CLPX: variants seen among roughly 807,000 people sequenced by gnomAD.
CLPX encodes the protein caseinolytic mitochondrial matrix peptidase chaperone subunit X.
Under a neutral mutation model 76.4 loss-of-function variants are expected in CLPX, and 34 were observed. That is an observed-to-expected ratio of 0.45 (90% confidence interval 0.34 to 0.59). The LOEUF (loss-of-function observed/expected upper bound fraction) is 0.59. Among genes scored for constraint, CLPX ranks in the 20% least tolerant of loss-of-function variants. The pLI is 0.01. For missense variants in CLPX, 613 were observed against 757.0 expected, an observed-to-expected ratio of 0.81 and a Z score of 2.23; for synonymous variants, 248 against 270.9, an observed-to-expected ratio of 0.92 and a Z score of 0.83.
chr15:65,163,293 A>G (rs1014601158), intron 5 of CLPX, among the ~76,000 whole-genome samples: 5 of 152,184 alleles, frequency 3.3e-5, no homozygotes, highest in African/African-American at 9.7e-5. Context: ...TCACATACCT[A>G]TTTTGCAGTT....
intron 9 of CLPX, among the ~76,000 whole-genome samples, chr15:65,156,246 C>T (rs1368426140): frequency 6.6e-6 from 1 of 152,142 alleles, no homozygotes; most frequent in Non-Finnish European, 1.5e-5. Context: ...TTCTATTCCA[C>T]TTACAGTATT....
Position 65,153,558 on chromosome 15 carries a change from G to C in CLPX, c.1693C>G (p.Arg565Gly). The C allele has an allele frequency of 6.3e-7, 1 of 1,589,990 alleles. No individual in the cohort carries two copies. Among genetic ancestry groups the C allele is most frequent in the Non-Finnish European group, 8.6e-7 (1 of 1,166,148 alleles). ...LERKTGARGL[R>G]SIMEKLLLEP... is the part of the protein sequence containing the mutation. ...TAATGCCAACTCACCATTATGGACC[G>C]AAGGCCTCGTGCACCTGTTTTTCGT... The change falls in exon 12 of 14, where the codon CGG becomes GGG. Residue 565 changes from arginine (R) to glycine (G), a missense_variant. Arg to Gly is a moderately radical substitution (Grantham distance 125). This residue lies in a region of CLPX where 450 missense variants were observed against 638.6 expected (regional missense o/e 0.70). Transcript: ENST00000300107.
intron 2 of CLPX, among the ~76,000 whole-genome samples, chr15:65,179,553 A>G (rs1001639323): frequency 6.6e-6 from 1 of 152,242 alleles, no homozygotes; most frequent in Non-Finnish European, 1.5e-5. Flanking sequence ...AATTCACGTA[A>G]TGAAAAAAAC....
At chr15:65,163,730 C>T (rs1431126735) in intron 5 of CLPX, among the ~76,000 whole-genome samples, 1 of 152,050 alleles carries the variant, frequency 6.6e-6, no homozygotes, top group African/African-American at 2.4e-5. Flanking sequence ...CAAGTGATCC[C>T]CCCGCCTCGG....
chr15:65,183,501 C>A (rs2088208553), intron 1 of CLPX, among the ~76,000 whole-genome samples: 13 of 123,452 alleles, frequency 1.1e-4, no homozygotes, highest in African/African-American at 1.5e-4. Flanking sequence ...ATAAGACAGA[C>A]AGAAAGACAG....
At chr15:65,154,261 G>A (rs2087759993) in intron 11 of CLPX, among the ~76,000 whole-genome samples, 1 of 152,176 alleles carries the variant, frequency 6.6e-6, no homozygotes, top group Non-Finnish European at 1.5e-5. Flanking sequence ...CATGGGTCAA[G>A]GTGAATAATA....
chr15:65,175,786 C>A (rs2088083516), intron 3 of CLPX, among the ~76,000 whole-genome samples: 1 of 152,084 alleles, frequency 6.6e-6, no homozygotes, highest in Admixed American at 6.5e-5. Context: ...AAATAAAACT[C>A]TCTTTAGGAC....
At chr15:65,153,726 C>T (rs145108075) in intron 11 of CLPX, 87 bp from the exon 12 acceptor site, 37 of 729,876 alleles carry the variant, frequency 5.1e-5, no homozygotes, top group Non-Finnish European at 7.6e-5. Flanking sequence ...CACAATTTCT[C>T]ATGGTGTTTT....
intron 7 of CLPX, 103 bp from the exon 8 acceptor site, chr15:65,158,013 G>T: frequency 1.1e-6 from 1 of 943,582 alleles, no homozygotes; most frequent in Non-Finnish European, 1.5e-6. Flanking sequence ...ATAAAAAGTT[G>T]TCAATTGCTA....
At chr15:65,152,672 C>T in intron 12 of CLPX, 136 bp from the exon 13 acceptor site, 1 of 205,564 alleles carries the variant, frequency 4.9e-6, no homozygotes, top group Non-Finnish European at 9.1e-6. Context: ...TATATATAAA[C>T]ATATATATGG....
chr15:65,180,018 A>G, intron 2 of CLPX, 26 bp downstream of exon 2: 1 of 1,571,992 alleles, frequency 6.4e-7, no homozygotes, highest in Non-Finnish European at 8.7e-7. Context: ...CAATGTGTAC[A>G]GATGCCAATA....
chr15:65,158,597 C>A lies in CLPX; in HGVS notation c.870G>T (p.Leu290Phe), dbSNP rs765333543. 6.2e-7 allele frequency: 1 copy of A among 1,611,532 alleles called. No homozygotes were observed. The highest frequency in any genetic ancestry group is 1.7e-5 in the Admixed American group (1 of 59,510). The change falls in exon 7 of 14, where the codon TTG (leucine) becomes TTT (phenylalanine). Residue 290 changes from leucine to phenylalanine, a missense_variant. Physicochemically the swap from Leu to Phe is conservative, Grantham distance 22. Coordinates refer to ENST00000300107, the MANE Select transcript of CLPX (RefSeq NM_006660.5). ...DDIKLEKSNI[L>F]LLGPTGSGKT... ...TACCTGACCCAGTTGGTCCAAGCAG[C>A]AAAATATTACTTTTTTCAAGTTTTA...
Position 65,149,291 on chromosome 15 carries a change from T to C in CLPX, c.*1532A>G, listed in dbSNP as rs1204188957. On this transcript the variant is annotated 3_prime_UTR_variant, in exon 14 of 14. Transcript: ENST00000300107. ...TCAGGAGAGACCAGCCTGGGCAACA[T>C]GGCGAAACCCCGTCTCTACTAAAAA... The C allele has an allele frequency of 5.7e-6, 1 of 175,254 alleles. No homozygotes were observed. The highest frequency in any genetic ancestry group is 1.1e-4 in the South Asian group (1 of 8,708). The allele number at this position is 175,254 out of a possible 1,614,324, so 10.9% of individuals were successfully genotyped here.
intron 6 of CLPX, 27 bp downstream of exon 6, chr15:65,162,577 T>G: frequency 6.7e-7 from 1 of 1,501,854 alleles, no homozygotes; most frequent in Non-Finnish European, 9.2e-7. Context: ...GAAGAATGAT[T>G]ACAGAGGAGG....
chr15:65,177,795 A>G (rs1287525511), intron 3 of CLPX, among the ~76,000 whole-genome samples: 1 of 151,926 alleles, frequency 6.6e-6, no homozygotes, highest in African/African-American at 2.4e-5. Flanking sequence ...AGGATACATG[A>G]TTTTTTTCCT....
At chr15:65,162,103 G>T (rs2087862219) in intron 6 of CLPX, among the ~76,000 whole-genome samples, 1 of 152,188 alleles carries the variant, frequency 6.6e-6, no homozygotes, top group East Asian at 1.9e-4. Flanking sequence ...CACCTCCAAA[G>T]GAATAGGTGG....
At chr15:65,166,493 A>G in intron 4 of CLPX, 138 bp downstream of exon 4, 2 of 868,682 alleles carry the variant, frequency 2.3e-6, no homozygotes, top group Non-Finnish European at 3.6e-6. Flanking sequence ...ATAACAATTT[A>G]GCCACATATG....
rs762932443 is a variant in CLPX, at chr15:65,158,623, T to C, written c.844A>G (p.Ile282Val). The C allele has an allele frequency of 6.2e-7, 1 of 1,613,736 alleles. No individual in the cohort carries two copies. Among genetic ancestry groups the C allele is most frequent in the East Asian group, 2.2e-5 (1 of 44,850 alleles). The change falls in exon 7 of 14, where the codon ATA becomes GTA. Residue 282 changes from isoleucine (I) to valine (V), a missense_variant. By Grantham distance (29) the Ile-to-Val change is conservative. Transcript: ENST00000300107. ...GEVLDSSHDD[I>V]KLEKSNILLL... Reference sequence around the variant, plus strand: ...AAAATATTACTTTTTTCAAGTTTTATGTCATCATGAGAAGAATCCAATACT... The same window carrying C: ...AAAATATTACTTTTTTCAAGTTTTACGTCATCATGAGAAGAATCCAATACT...
Position 65,183,086 on chromosome 15 carries a change from C to T in CLPX, c.79+1989G>A, listed in dbSNP as rs553432555. 1.5e-4 allele frequency among the ~76,000 whole-genome samples: 23 copies of T among 151,662 alleles called. No homozygotes were observed. In the South Asian group the frequency reaches 4.6e-3, roughly 30 times the overall value. On this transcript the variant is annotated intron_variant, in intron 1 of 13. Coordinates refer to ENST00000300107, the MANE Select transcript of CLPX (RefSeq NM_006660.5). Reference sequence around the variant, plus strand: ...GGCTGAGGCAGAAGAATTGCTTGAACCCAGGAGACGGAGGTTGCAGTGAGC... The same window carrying T: ...GGCTGAGGCAGAAGAATTGCTTGAATCCAGGAGACGGAGGTTGCAGTGAGC...
Sources: gnomAD v4.1 joint callset for allele counts (sites outside exome capture counted in the v4.1 genomes callset) on GRCh38, gnomAD v4.1.1 for gene constraint, gnomAD v4.1.1 regional missense constraint, MANE v1.5 for transcripts, NCBI Gene and HGNC (gene_info 2026-07-23, HGNC 2026-07-21) for gene names.